VSIR: variants seen among roughly 807,000 people sequenced by gnomAD.
VSIR encodes the protein V-set immunoregulatory receptor, also known as V-type immunoglobulin domain-containing suppressor of T-cell activation.
A neutral mutation model predicts 31.0 loss-of-function variants in VSIR; 10 were observed. The ratio of observed to expected loss-of-function variants is 0.32; its 90% CI spans 0.20 to 0.55. The LOEUF (loss-of-function observed/expected upper bound fraction) is 0.55, where lower values mean the gene tolerates loss of function less well. VSIR is among the 20% of genes least tolerant of loss of function. VSIR has a pLI of 0.93. For synonymous variants in VSIR, 179 were observed against 180.1 expected (o/e 0.99, Z 0.05); for missense variants, 356 against 416.2 (o/e 0.86, Z 1.26).
intron 1 of VSIR, among the ~76,000 whole-genome samples, chr10:71,766,145 T>G (rs12779165): frequency 6.6e-6 from 1 of 152,248 alleles, no homozygotes; most frequent in African/African-American, 2.4e-5. Flanking sequence ...ATTACAATTC[T>G]TTGGCGAGAG....
intron 1 of VSIR, among the ~76,000 whole-genome samples, chr10:71,764,235 C>T (rs148547856): frequency 4.7e-4 from 72 of 152,238 alleles, no homozygotes; most frequent in Middle Eastern, 3.4e-3. Context: ...TTGTGCACTA[C>T]GCTAAGGGTT....
intron 1 of VSIR, among the ~76,000 whole-genome samples, chr10:71,770,993 G>A (rs763807838): frequency 5.3e-5 from 8 of 152,220 alleles, no homozygotes; most frequent in Non-Finnish European, 1.0e-4. Flanking sequence ...TGCTGCGTCA[G>A]AGGCTTGCAG....
chr10:71,755,196 G>C (rs773265210), intron 4 of VSIR, 163 bp downstream of exon 4: 19 of 745,680 alleles, frequency 2.5e-5, no homozygotes, highest in Non-Finnish European at 4.1e-5. Context: ...CCTTTCTCTC[G>C]GCCATTTCGC....
At chr10:71,772,069 G>A (rs533558370) in intron 1 of VSIR, among the ~76,000 whole-genome samples, 1 of 152,178 alleles carries the variant, frequency 6.6e-6, no homozygotes, top group Non-Finnish European at 1.5e-5. Flanking sequence ...CCTTGGTGCT[G>A]AGACTGTCCA....
At chr10:71,770,930 T>C (rs1383538360) in intron 1 of VSIR, among the ~76,000 whole-genome samples, 3 of 152,142 alleles carry the variant, frequency 2.0e-5, no homozygotes, top group African/African-American at 4.8e-5. Context: ...GCTGTTCCTC[T>C]CTACTCCAGA....
chr10:71,756,037 G>A (rs151086535), intron 3 of VSIR, among the ~76,000 whole-genome samples: 1 of 152,112 alleles, frequency 6.6e-6, no homozygotes, highest in African/African-American at 2.4e-5. Context: ...TCTGGGATGG[G>A]GCCTCTAGAA....
chr10:71,753,094 C>G, intron 4 of VSIR, 92 bp from the exon 5 acceptor site: 1 of 1,479,598 alleles, frequency 6.8e-7, no homozygotes, highest in Non-Finnish European at 9.2e-7. Context: ...CTGCAGGGAA[C>G]AGGAGCGAGC....
intron 1 of VSIR, among the ~76,000 whole-genome samples, chr10:71,772,297 T>A (rs1840703049): frequency 6.6e-6 from 1 of 151,906 alleles, no homozygotes; most frequent in Non-Finnish European, 1.5e-5. Context: ...CCTATCACCC[T>A]CTCCTTCTAT....
At position 71,751,692 on chromosome 10, in the gene VSIR, C is replaced by T. The variant is rs200507926; in HGVS notation, c.874G>A (p.Gly292Arg). Residue 292 changes from glycine (G) to arginine (R), a missense_variant, in exon 6 of 7, where the codon GGA (glycine) becomes AGA (arginine). By Grantham distance (125) the Gly-to-Arg change is moderately radical. Transcript: ENST00000394957. This position sits in a 1 kb window ranked among gnomAD's most constrained non-coding sequence, Gnocchi z 4.9. ...CCCAGGGATGGGAAGAAGACGTCTC[C>T]GGGGCCTGGAGGAGACAGGGGGGTG... The part of the protein sequence containing the change: ...PSTPLSPPGP[G>R]DVFFPSLDPV... 1.5e-5 allele frequency: 23 copies of T among 1,546,282 alleles called. No individual in the cohort carries two copies. Among genetic ancestry groups the T allele is most frequent in the South Asian group, 2.5e-5 (2 of 80,746 alleles).
intron 3 of VSIR, among the ~76,000 whole-genome samples, chr10:71,758,370 C>T (rs1008008939): frequency 6.6e-6 from 1 of 152,182 alleles, no homozygotes; most frequent in African/African-American, 2.4e-5. Context: ...GGATGTCTGA[C>T]ACATACAGGG....
intron 3 of VSIR, among the ~76,000 whole-genome samples, chr10:71,759,034 A>G (rs1840221009): frequency 6.6e-6 from 1 of 151,090 alleles, no homozygotes; most frequent in Admixed American, 6.6e-5. Context: ...CATGCCAGGC[A>G]AATTTTGGGT....
intron 1 of VSIR, 56 bp downstream of exon 1, chr10:71,773,302 C>T: frequency 6.5e-7 from 1 of 1,541,296 alleles, no homozygotes; most frequent in Non-Finnish European, 8.8e-7. Flanking sequence ...AGTTCCCACT[C>T]CAGTCTGCTG....
At position 71,748,848 on chromosome 10, in the gene VSIR, C is replaced by T. The variant is rs1033605381; in HGVS notation, c.*2405G>A. On this transcript the variant is annotated 3_prime_UTR_variant, in exon 7 of 7. Transcript: ENST00000394957. ...CCTCCCCAGCAGCAGCAGGGAGGGA[C>T]GTCCCTAGTGCGTTGTAGGCAGGGC... 2 of 152,696 alleles carry T rather than the reference C, an allele frequency of 1.3e-5. No homozygotes were observed. The highest frequency in any genetic ancestry group is 3.9e-4 in the East Asian group (2 of 5,194). 9.5% of individuals were successfully genotyped at this position (152,696 alleles called of 1,614,324 possible).
Position 71,767,993 on chromosome 10 carries a change from C to G in VSIR, c.82+5365G>C, listed in dbSNP as rs1259279569. Among the ~76,000 whole-genome samples the G allele has an allele frequency of 2.0e-5, 3 of 152,214 alleles. No homozygotes were observed. In the East Asian group the frequency reaches 5.8e-4, roughly 29 times the overall value. ...GTGGATGAACCCCTCCCAGACTCCC[C>G]AGGCCCTTTTGGAGGAGGACTGTGT... On this transcript the variant is annotated intron_variant, in intron 1 of 6. Coordinates refer to ENST00000394957, the MANE Select transcript of VSIR (RefSeq NM_022153.2).
rs1316698730 is a variant in VSIR, at chr10:71,749,651, A to G, written c.*1602T>C. Reference sequence around the variant, plus strand: ...ACCCTCTCCTCAAAGCCCCTGGCCCAGCCCAGGCAGAGCAGGAGGCCCTCA... The same window carrying G: ...ACCCTCTCCTCAAAGCCCCTGGCCCGGCCCAGGCAGAGCAGGAGGCCCTCA... On this transcript the variant is annotated 3_prime_UTR_variant, in exon 7 of 7. Transcript: ENST00000394957. 6.6e-6 allele frequency: 1 copy of G among 152,350 alleles called. No individual in the cohort carries two copies. Among genetic ancestry groups the G allele is most frequent in the Non-Finnish European group, 1.5e-5 (1 of 68,134 alleles). The allele number at this position is 152,350 out of a possible 1,614,324, so 9.4% of individuals were successfully genotyped here.
rs1298872469 is a variant in VSIR at position 71,762,020 on chromosome 10, A to C, written c.89T>G (p.Val30Gly). ...CGGCGTGGCGACCTTGAAGGCTGCC[A>C]CCGGACCTGCTCAGAGAGAGGAGAG... ...ALFLAASLGP[V>G]AAFKVATPYS... Residue 30 changes from valine to glycine, a missense_variant, in exon 2 of 7, where the codon GTG (valine) becomes GGG (glycine). Val to Gly is a moderately radical substitution (Grantham distance 109, BLOSUM62 -3). This residue lies in a region of VSIR where 166 missense variants were observed against 231.0 expected (regional missense o/e 0.72). Transcript: ENST00000394957. The C allele has an allele frequency of 6.3e-7, 1 of 1,598,898 alleles. No homozygotes were observed. Among genetic ancestry groups the C allele is most frequent in the East Asian group, 2.2e-5 (1 of 44,764 alleles).
At chr10:71,773,309 G>T in intron 1 of VSIR, 49 bp downstream of exon 1, 1 of 1,549,386 alleles carries the variant, frequency 6.5e-7, no homozygotes, top group Middle Eastern at 1.7e-4. Context: ...ACTCCAGTCT[G>T]CTGTCTTCTC....
At chr10:71,752,610 T>A (rs1840033559) in intron 5 of VSIR, among the ~76,000 whole-genome samples, 1 of 152,152 alleles carries the variant, frequency 6.6e-6, no homozygotes, top group African/African-American at 2.4e-5. Context: ...TCCTTGGAGT[T>A]CTCTGCGGGC....
rs953957951 is a variant in VSIR, at chr10:71,760,796, A to T, written c.568+72T>A. ...TGGGGTGATGAGGCCAGAGTTCCAAACAGGGTCTGGGTGCAGGATGAGGAC... is the reference window on the plus strand; with the variant it reads ...TGGGGTGATGAGGCCAGAGTTCCAATCAGGGTCTGGGTGCAGGATGAGGAC... On this transcript the variant is annotated intron_variant, in intron 3 of 6. Coordinates refer to ENST00000394957, the MANE Select transcript of VSIR (RefSeq NM_022153.2). 6 of 1,469,124 alleles carry T rather than the reference A, an allele frequency of 4.1e-6. No homozygotes were observed. In the African/African-American group the frequency reaches 7.0e-5, roughly 17 times the overall value. 91.0% of individuals were successfully genotyped at this position (1,469,124 alleles called of 1,614,324 possible).
Sources: gnomAD v4.1 joint callset for allele counts (sites outside exome capture counted in the v4.1 genomes callset) on GRCh38, gnomAD v4.1.1 for gene constraint, gnomAD v4.1.1 regional missense constraint, Gnocchi (gnomAD v3.1) non-coding constraint, MANE v1.5 for transcripts, NCBI Gene and HGNC (gene_info 2026-07-23, HGNC 2026-07-21) for gene names.